The following TSPAN4 variants were observed in gnomAD, a reference collection of about 807,000 sequenced individuals.
The protein encoded by TSPAN4 is tetraspanin-4.
TSPAN4 carries 38 observed loss-of-function variants against 31.5 expected under a neutral mutation model. That is an observed-to-expected ratio of 1.21 (90% CI 0.93 to 1.58). TSPAN4 has a LOEUF of 1.58. Ranked by LOEUF, TSPAN4 falls within the 40% of genes most tolerant of loss-of-function variation. The pLI is 0.00. For synonymous variants in TSPAN4, 186 were observed against 144.6 expected, an observed-to-expected ratio of 1.29 and a Z score of -2.06; for missense variants, 330 against 317.3, an observed-to-expected ratio of 1.04 and a Z score of -0.30.
chr11:853,156 G>A (rs1847851021), intron 3 of TSPAN4, among the ~76,000 whole-genome samples: 1 of 152,206 alleles, frequency 6.6e-6, no homozygotes. Flanking sequence ...TGCCTGGCTC[G>A]TGTGCGGTGG....
intron 8 of TSPAN4, 99 bp downstream of exon 8, chr11:866,100 G>C: frequency 1.5e-6 from 2 of 1,330,534 alleles, no homozygotes; most frequent in South Asian, 2.5e-5. Context: ...AGGAACCCAC[G>C]ATCGGGGGAG....
intron 3 of TSPAN4, among the ~76,000 whole-genome samples, chr11:853,612 G>A (rs1444294786): frequency 6.6e-6 from 1 of 152,192 alleles, no homozygotes; most frequent in Non-Finnish European, 1.5e-5. Context: ...GGGTTCCTGG[G>A]GCAGCCAGGG....
rs759416126 is a variant in TSPAN4 at position 865,835 on chromosome 11, A to AC, written c.564+15dup. Reference sequence around the variant, plus strand: ...CACCTGGTGGAAGGCGGTGAGTGAGACCCCCACCCTGGGGGCTGGTAGGGG... The same window carrying AC: ...CACCTGGTGGAAGGCGGTGAGTGAGACCCCCCACCCTGGGGGCTGGTAGGGG... On this transcript the variant is annotated intron_variant, in intron 7 of 8. Coordinates refer to ENST00000397397, the MANE Select transcript of TSPAN4 (RefSeq NM_003271.5). 76 of 1,611,714 alleles carry AC rather than the reference A, an allele frequency of 4.7e-5. No individual in the cohort carries two copies. The highest frequency in any genetic ancestry group is 7.7e-5 in the South Asian group (7 of 90,936).
intron 3 of TSPAN4, among the ~76,000 whole-genome samples, chr11:851,054 G>T (rs1161414423): frequency 2.0e-5 from 3 of 152,230 alleles, no homozygotes; most frequent in African/African-American, 4.8e-5. Context: ...TGTCCGGGGG[G>T]GCCCTGTGTG....
At chr11:846,244 GGCACCCAGGCTGCT>G (rs530090283) in intron 1 of TSPAN4, among the ~76,000 whole-genome samples, 59 of 152,346 alleles carry the variant, frequency 3.9e-4, no homozygotes, top group South Asian at 1.4e-3. Flanking sequence ...CCACGGGCAT[GGCACCCAGGCTGCT>G]GCAGACAGGC....
intron 1 of TSPAN4, among the ~76,000 whole-genome samples, chr11:844,857 G>T (rs1476032395): frequency 6.6e-6 from 1 of 152,168 alleles, no homozygotes; most frequent in East Asian, 1.9e-4. Context: ...TCACTTCAGG[G>T]CAAAGGACCA....
chr11:860,451 G>A (rs559897901), intron 3 of TSPAN4, among the ~76,000 whole-genome samples: 31 of 152,244 alleles, frequency 2.0e-4, no homozygotes, highest in Non-Finnish European at 4.0e-4. Context: ...CACTGCTCAG[G>A]GAGGGGCAGG....
rs200181018 is a variant in TSPAN4, at chr11:865,870, C to T, written c.564+45C>T. The T allele has an allele frequency of 6.4e-5, 103 of 1,612,472 alleles. No individual in the cohort carries two copies. In the African/African-American group the frequency reaches 8.4e-4, roughly 13 times the overall value. Reference sequence around the variant, plus strand: ...TGGGGGCTGGTAGGGGCCTAGAGGGCGGGACCAGCAGGCCCTGCCGTGACA... The same window carrying T: ...TGGGGGCTGGTAGGGGCCTAGAGGGTGGGACCAGCAGGCCCTGCCGTGACA... On this transcript the variant is annotated intron_variant, in intron 7 of 8. Transcript: ENST00000397397.
At chr11:852,902 C>CCT (rs1247597267) in intron 3 of TSPAN4, among the ~76,000 whole-genome samples, 1 of 151,994 alleles carries the variant, frequency 6.6e-6, no homozygotes, top group Non-Finnish European at 1.5e-5. Context: ...CTGTCCTGAC[C>CCT]CCCCGCTGCC....
intron 1 of TSPAN4, among the ~76,000 whole-genome samples, chr11:844,878 A>C (rs989227397): frequency 6.6e-6 from 1 of 152,128 alleles, no homozygotes; most frequent in South Asian, 2.1e-4. Flanking sequence ...GGGGAAACCC[A>C]TGATTGAAGT....
chr11:866,543 C>T lies in TSPAN4; in HGVS notation c.649-19C>T, dbSNP rs760661779. Reference sequence around the variant, plus strand: ...AGCCTGTGGAGCTGCCATGCCCAGTCCTCCTCCCCTACCTACAGATCCTGG... The same window carrying T: ...AGCCTGTGGAGCTGCCATGCCCAGTTCTCCTCCCCTACCTACAGATCCTGG... On this transcript the variant is annotated intron_variant, in intron 8 of 8. Coordinates refer to ENST00000397397, the MANE Select transcript of TSPAN4 (RefSeq NM_003271.5). 1.1e-5 allele frequency: 18 copies of T among 1,611,174 alleles called. No individual in the cohort carries two copies. Among genetic ancestry groups the T allele is most frequent in the African/African-American group, 5.3e-5 (4 of 74,896 alleles).
At chr11:865,360 G>C (rs545552106) in intron 5 of TSPAN4, 153 bp from the exon 6 acceptor site, 8 of 634,476 alleles carry the variant, frequency 1.3e-5, no homozygotes, top group Admixed American at 1.1e-4. Context: ...GGAGGACATG[G>C]GGCCGGTGTG....
chr11:851,707 G>A (rs1847744598), intron 3 of TSPAN4, among the ~76,000 whole-genome samples: 2 of 150,120 alleles, frequency 1.3e-5, no homozygotes, highest in South Asian at 4.2e-4. Flanking sequence ...TGTGGGTGTG[G>A]TCTGGAGCTG....
intron 3 of TSPAN4, among the ~76,000 whole-genome samples, chr11:854,631 G>T (rs1232663577): frequency 5.9e-5 from 9 of 152,192 alleles, no homozygotes; most frequent in Non-Finnish European, 8.8e-5. Flanking sequence ...CTGGAGGTGT[G>T]GGGGCCCCTC....
At chr11:856,176 C>T (rs1480999790) in intron 3 of TSPAN4, among the ~76,000 whole-genome samples, 2 of 152,162 alleles carry the variant, frequency 1.3e-5, no homozygotes, top group Non-Finnish European at 2.9e-5. Context: ...TGGGGGACGG[C>T]CCCCCGAGCC....
In TSPAN4 at chr11:866,012, G is replaced by C. The variant is rs552824840; in HGVS notation, c.648+11G>C. On this transcript the variant is annotated intron_variant, in intron 8 of 8. Transcript: ENST00000397397. Reference sequence around the variant, plus strand: ...ACGGCGCTGGTGCAGGTATGGCCTGGGGGCCTGCGGGCTCCCTGCCCCCAC... The same window carrying C: ...ACGGCGCTGGTGCAGGTATGGCCTGCGGGCCTGCGGGCTCCCTGCCCCCAC... 3.7e-5 allele frequency: 59 copies of C among 1,611,014 alleles called. No individual in the cohort carries two copies. The highest frequency in any genetic ancestry group is 5.0e-5 in the Non-Finnish European group (59 of 1,179,592).
At chr11:845,389 G>C (rs2133980789) in intron 1 of TSPAN4, among the ~76,000 whole-genome samples, 1 of 151,278 alleles carries the variant, frequency 6.6e-6, no homozygotes. Flanking sequence ...GATGGGGCCG[G>C]GTCCTCTCTA....
At chr11:850,753 G>A (rs944369632) in intron 3 of TSPAN4, among the ~76,000 whole-genome samples, 1 of 152,202 alleles carries the variant, frequency 6.6e-6, no homozygotes, top group Non-Finnish European at 1.5e-5. Flanking sequence ...CGGGGCCCCG[G>A]TGCCTCCTCT....
chr11:864,071 C>CA (rs1223600922), intron 4 of TSPAN4: 1 of 309,306 alleles, frequency 3.2e-6, no homozygotes, highest in Admixed American at 4.1e-5. Flanking sequence ...GCCAGACACT[C>CA]AGAGGCCCCT....
Sources: allele counts gnomAD v4.1 joint callset (sites outside exome capture counted in the v4.1 genomes callset), GRCh38; gene constraint gnomAD v4.1.1; transcripts MANE v1.5; gene names NCBI Gene and HGNC (gene_info 2026-07-23, HGNC 2026-07-21).